The following COL8A1 variants were observed in gnomAD, a reference collection of about 807,000 sequenced individuals.
COL8A1 encodes the protein collagen alpha-1(VIII) chain.
A neutral mutation model predicts 42.7 loss-of-function variants in COL8A1; 21 were observed. The observed-to-expected ratio is 0.49, with a 90% CI of 0.35 to 0.71. The LOEUF is 0.71. Ranked by LOEUF, COL8A1 falls within the 30% of genes least tolerant of loss-of-function variation. COL8A1 has a pLI of 0.01. For missense variants in COL8A1, 788 were observed against 962.4 expected (o/e 0.82, Z 2.40); for synonymous variants, 367 against 369.1 (o/e 0.99, Z 0.06).
intron 1 of COL8A1, among the ~76,000 whole-genome samples, chr3:99,686,090 C>T (rs952448049): frequency 1.4e-4 from 22 of 152,174 alleles, no homozygotes; most frequent in African/African-American, 5.1e-4. Flanking sequence ...CAACTCACTT[C>T]ATCAGAACTA....
intron 1 of COL8A1, among the ~76,000 whole-genome samples, chr3:99,692,778 C>T (rs1467979993): frequency 1.3e-5 from 2 of 152,208 alleles, no homozygotes; most frequent in African/African-American, 2.4e-5. Context: ...CAAGTTGTAG[C>T]CATTGTAACA....
intron 2 of COL8A1, among the ~76,000 whole-genome samples, chr3:99,768,004 T>G (rs1941497936): frequency 6.6e-6 from 1 of 152,184 alleles, no homozygotes; most frequent in Non-Finnish European, 1.5e-5. Context: ...CTTGTCTGCA[T>G]AAAAGTAACA....
chr3:99,725,747 T>C (rs1940295825), intron 1 of COL8A1, among the ~76,000 whole-genome samples: 1 of 152,002 alleles, frequency 6.6e-6, no homozygotes, highest in South Asian at 2.1e-4. Context: ...CATGAACTCA[T>C]CATTTTTTAT....
chr3:99,741,040 T>C, intron 1 of COL8A1, among the ~76,000 whole-genome samples: 1 of 152,178 alleles, frequency 6.6e-6, no homozygotes, highest in Non-Finnish European at 1.5e-5. Flanking sequence ...ACTCTGGGTA[T>C]ATAATGTCAA....
chr3:99,727,986 A>G (rs11708817), intron 1 of COL8A1, among the ~76,000 whole-genome samples: 99,549 of 145,216 alleles, frequency 0.69, 34,726 homozygotes, highest in African/African-American at 0.8. Context: ...TTGATGGGAC[A>G]TATTTCAAAA....
intron 2 of COL8A1, among the ~76,000 whole-genome samples, chr3:99,760,889 A>G (rs1941354042): frequency 6.6e-6 from 1 of 152,248 alleles, no homozygotes; most frequent in Non-Finnish European, 1.5e-5. Flanking sequence ...ACTTGGGAGT[A>G]ACACAAACAG....
chr3:99,683,305 C>T (rs1403426759), intron 1 of COL8A1, among the ~76,000 whole-genome samples: 3 of 151,848 alleles, frequency 2.0e-5, no homozygotes, highest in Non-Finnish European at 4.4e-5. Flanking sequence ...CACATAATAG[C>T]TACCAATAAA....
At chr3:99,734,225 A>T (rs967533150) in intron 1 of COL8A1, among the ~76,000 whole-genome samples, 1 of 141,756 alleles carries the variant, frequency 7.1e-6, no homozygotes, top group Non-Finnish European at 1.5e-5. Context: ...GTCCTTGCCC[A>T]TGCCTATGTC....
chr3:99,742,209 G>C (rs910122228), intron 1 of COL8A1, among the ~76,000 whole-genome samples: 6 of 152,096 alleles, frequency 3.9e-5, no homozygotes, highest in African/African-American at 1.4e-4. Flanking sequence ...TTCATCCTTA[G>C]ATTTCCATCA....
Position 99,681,160 on chromosome 3 carries a change from G to A in COL8A1, c.-129+42496G>A, listed in dbSNP as rs1938867982. 2.0e-5 allele frequency among the ~76,000 whole-genome samples: 3 copies of A among 152,312 alleles called. No homozygotes were observed. In the South Asian group the frequency reaches 6.2e-4, roughly 32 times the overall value. On this transcript the variant is annotated intron_variant, in intron 1 of 3. Coordinates refer to ENST00000652472, the MANE Select transcript of COL8A1 (RefSeq NM_020351.4). Reference sequence around the variant, plus strand: ...AAATGAGATCTAATTAAACTAAAGAGCTTCTGCACAGCAAAATAAACTACC... The same window carrying A: ...AAATGAGATCTAATTAAACTAAAGAACTTCTGCACAGCAAAATAAACTACC...
chr3:99,662,295 T>C (rs967819572), intron 1 of COL8A1, among the ~76,000 whole-genome samples: 1 of 150,646 alleles, frequency 6.6e-6, no homozygotes, highest in African/African-American at 2.4e-5. Context: ...GGCAGGAGAA[T>C]CGCTTGAACC....
At chr3:99,767,841 A>G (rs958599021) in intron 2 of COL8A1, among the ~76,000 whole-genome samples, 2 of 152,216 alleles carry the variant, frequency 1.3e-5, no homozygotes, top group Non-Finnish European at 2.9e-5. Context: ...AATACTAATG[A>G]TAATAAAGTC....
intron 2 of COL8A1, among the ~76,000 whole-genome samples, chr3:99,764,704 T>TTC (rs1941428204): frequency 2.1e-5 from 3 of 145,898 alleles, no homozygotes; most frequent in South Asian, 4.5e-4. Flanking sequence ...TTTTTTTCTT[T>TTC]TTTTTTTTTT....
intron 1 of COL8A1, among the ~76,000 whole-genome samples, chr3:99,643,568 C>T (rs1308695490): frequency 6.6e-6 from 1 of 152,196 alleles, no homozygotes; most frequent in Non-Finnish European, 1.5e-5. Flanking sequence ...GTAAATTTTA[C>T]TTCGTAGAAA....
intron 1 of COL8A1, among the ~76,000 whole-genome samples, chr3:99,737,872 G>A (rs1484869052): frequency 8.6e-5 from 13 of 151,458 alleles, no homozygotes; most frequent in African/African-American, 1.9e-4. Context: ...CCAATCAGAC[G>A]TAGATTTGGT....
At chr3:99,674,444 T>TAA (rs372040145) in intron 1 of COL8A1, among the ~76,000 whole-genome samples, 5,086 of 143,052 alleles carry the variant, frequency 0.036, 140 homozygotes, top group East Asian at 0.063. Flanking sequence ...TCTCCTTTTT[T>TAA]AAAAAAAAAA....
At chr3:99,704,921 A>G (rs2107350310) in intron 1 of COL8A1, among the ~76,000 whole-genome samples, 1 of 152,294 alleles carries the variant, frequency 6.6e-6, no homozygotes, top group South Asian at 2.1e-4. Context: ...ACAGGGTGGC[A>G]GACCTAGGGG....
chr3:99,746,464 C>T (rs889286244), intron 2 of COL8A1, among the ~76,000 whole-genome samples: 12 of 152,114 alleles, frequency 7.9e-5, no homozygotes, highest in Non-Finnish European at 1.2e-4. Flanking sequence ...GTGATAGGCT[C>T]GGCTTCTGGA....
At chr3:99,771,990 C>T (rs934272343) in intron 2 of COL8A1, among the ~76,000 whole-genome samples, 15 of 152,180 alleles carry the variant, frequency 9.9e-5, no homozygotes, top group African/African-American at 3.4e-4. Context: ...TCATGAATAC[C>T]TTCCAATGTT....
Sources: allele counts gnomAD v4.1 joint callset (sites outside exome capture counted in the v4.1 genomes callset), GRCh38; gene constraint gnomAD v4.1.1; transcripts MANE v1.5; gene names NCBI Gene and HGNC (gene_info 2026-07-23, HGNC 2026-07-21).